Variants in NR6A1 observed in about 807,000 individuals in gnomAD.
NR6A1 encodes the protein nuclear receptor subfamily 6 group A member 1.
Under a neutral mutation model 59.1 loss-of-function variants are expected in NR6A1, and 7 were observed. The observed-to-expected ratio is 0.12, with a 90% CI of 0.07 to 0.22. NR6A1 has a LOEUF of 0.22. Among genes scored for constraint, NR6A1 ranks in the 10% least tolerant of loss-of-function variants. The pLI, the probability that NR6A1 is intolerant of heterozygous loss-of-function variation, is 1.00. For synonymous variants in NR6A1, 243 were observed against 236.1 expected (o/e 1.03, Z -0.27); for missense variants, 468 against 611.6 (o/e 0.77, Z 2.48).
At chr9:124,687,882 G>A (rs912253846) in intron 2 of NR6A1, among the ~76,000 whole-genome samples, 2 of 152,230 alleles carry the variant, frequency 1.3e-5, no homozygotes, top group African/African-American at 4.8e-5. Context: ...ACTCCCAGCA[G>A]ACGCCTGAAA....
rs189505180 is a variant in NR6A1, at chr9:124,726,162, T to C, written c.142+7146A>G. 4.5e-4 allele frequency among the ~76,000 whole-genome samples: 68 copies of C among 152,302 alleles called. 1 individual carries two copies. Among genetic ancestry groups the C allele is most frequent in the Non-Finnish European group, 1.0e-4 (7 of 68,006 alleles). ...TTCATAAACACTCAAGTTTTTTTAG[T>C]TGGGGTCATGTCAAACCCTCACATC... On this transcript the variant is annotated intron_variant, in intron 2 of 9. Coordinates refer to ENST00000487099, the MANE Select transcript of NR6A1 (RefSeq NM_033334.4).
chr9:124,694,294 GGA>G (rs1838669280), intron 2 of NR6A1, among the ~76,000 whole-genome samples: 1 of 151,988 alleles, frequency 6.6e-6, no homozygotes, highest in Admixed American at 6.6e-5. Context: ...TGTTTTGGGG[GGA>G]GAGTGGCTTA....
chr9:124,747,174 A>C lies in NR6A1; in HGVS notation c.101-13825T>G, dbSNP rs1048781063. Among the ~76,000 whole-genome samples, 5 of 149,540 alleles carry C rather than the reference A, an allele frequency of 3.3e-5. No homozygotes were observed. In the South Asian group the frequency reaches 1.1e-3, roughly 32 times the overall value. On this transcript the variant is annotated intron_variant, in intron 1 of 9. Transcript: ENST00000487099. ...GTCACATCCTTACAGATGATTATAC[A>C]GACCTTGTCTGACTTTTTTTTTTTT...
intron 2 of NR6A1, among the ~76,000 whole-genome samples, chr9:124,685,949 A>G (rs1838318701): frequency 6.6e-6 from 1 of 152,206 alleles, no homozygotes; most frequent in Non-Finnish European, 1.5e-5. Context: ...CACATTTTTA[A>G]ATAAAAGTTT....
At chr9:124,535,518 C>A (rs1306638740) in intron 7 of NR6A1, among the ~76,000 whole-genome samples, 1 of 152,134 alleles carries the variant, frequency 6.6e-6, no homozygotes, top group African/African-American at 2.4e-5. Context: ...GCAAGAGTTG[C>A]AGTGAGCCAA....
chr9:124,633,450 T>C (rs1172293497), intron 2 of NR6A1, among the ~76,000 whole-genome samples: 1 of 134,468 alleles, frequency 7.4e-6, no homozygotes, highest in Non-Finnish European at 1.6e-5. Flanking sequence ...GATCACAAGG[T>C]AGGGAAGGGG....
intron 1 of NR6A1, 99 bp from the exon 2 acceptor site, chr9:124,733,448 C>T: frequency 1.1e-6 from 1 of 916,394 alleles, no homozygotes; most frequent in South Asian, 1.4e-5. Context: ...AATCTATACT[C>T]AGAAGTCAAT....
chr9:124,619,009 G>A (rs1835981957), intron 2 of NR6A1, among the ~76,000 whole-genome samples: 2 of 152,188 alleles, frequency 1.3e-5, no homozygotes, highest in East Asian at 1.9e-4. Flanking sequence ...AGGGTTTTAC[G>A]CTACAAAAGT....
At chr9:124,767,604 G>C (rs915492029) in intron 1 of NR6A1, among the ~76,000 whole-genome samples, 1 of 151,630 alleles carries the variant, frequency 6.6e-6, no homozygotes, top group Non-Finnish European at 1.5e-5. Context: ...TTTTCTAATG[G>C]GAGTAGGAAA....
chr9:124,586,044 G>A (rs1834920638), intron 2 of NR6A1, among the ~76,000 whole-genome samples: 1 of 152,228 alleles, frequency 6.6e-6, no homozygotes, highest in African/African-American at 2.4e-5. Flanking sequence ...AGATGTACAA[G>A]CAGATGAATG....
chr9:124,535,188 T>C (rs900347142), intron 7 of NR6A1, among the ~76,000 whole-genome samples: 2 of 152,172 alleles, frequency 1.3e-5, no homozygotes, highest in Non-Finnish European at 2.9e-5. Flanking sequence ...TAGGTCTCTT[T>C]CTTGGATTGT....
At chr9:124,653,978 T>C (rs1326699112) in intron 2 of NR6A1, among the ~76,000 whole-genome samples, 1 of 152,170 alleles carries the variant, frequency 6.6e-6, no homozygotes, top group Non-Finnish European at 1.5e-5. Flanking sequence ...CTGAATTTTA[T>C]CCTAAATTAA....
chr9:124,645,256 CA>C (rs1322829540), intron 2 of NR6A1, among the ~76,000 whole-genome samples: 3 of 151,888 alleles, frequency 2.0e-5, no homozygotes, highest in Non-Finnish European at 4.4e-5. Flanking sequence ...ACAAGGACAA[CA>C]AAAAACAATA....
intron 1 of NR6A1, among the ~76,000 whole-genome samples, chr9:124,742,025 C>CTAT (rs1840184937): frequency 6.6e-6 from 1 of 152,124 alleles, no homozygotes; most frequent in Non-Finnish European, 1.5e-5. Flanking sequence ...TGTGAAAGCA[C>CTAT]TAAATAGAGA....
At chr9:124,630,447 G>C (rs562486988) in intron 2 of NR6A1, among the ~76,000 whole-genome samples, 32 of 150,672 alleles carry the variant, frequency 2.1e-4, no homozygotes, top group Admixed American at 4.6e-4. Context: ...ATATTGGTCA[G>C]GCTGGTCTCC....
intron 2 of NR6A1, among the ~76,000 whole-genome samples, chr9:124,576,273 C>T (rs1022166363): frequency 2.6e-5 from 4 of 152,008 alleles, no homozygotes; most frequent in Admixed American, 6.6e-5. Flanking sequence ...AAAAGCAACA[C>T]AAGCTTTGTT....
chr9:124,585,782 C>T (rs1459904730), intron 2 of NR6A1, among the ~76,000 whole-genome samples: 1 of 152,090 alleles, frequency 6.6e-6, no homozygotes, highest in Non-Finnish European at 1.5e-5. Context: ...GCTAATGCAG[C>T]TGGTGACTTT....
intron 2 of NR6A1, among the ~76,000 whole-genome samples, chr9:124,639,870 G>A (rs1404042266): frequency 6.6e-6 from 1 of 152,128 alleles, no homozygotes; most frequent in African/African-American, 2.4e-5. Flanking sequence ...AGAGAGAAAG[G>A]AAGCAGCAGC....
chr9:124,636,705 A>G (rs1038298255), intron 2 of NR6A1, among the ~76,000 whole-genome samples: 4 of 152,168 alleles, frequency 2.6e-5, no homozygotes, highest in African/African-American at 7.2e-5. Flanking sequence ...CTTTTCTCCT[A>G]TGTCAAAGAT....
Sources: allele counts gnomAD v4.1 joint callset (sites outside exome capture counted in the v4.1 genomes callset), GRCh38; gene constraint gnomAD v4.1.1; transcripts MANE v1.5; gene names NCBI Gene and HGNC (gene_info 2026-07-23, HGNC 2026-07-21).